Variants in UROD observed in about 807,000 individuals in gnomAD.
The protein encoded by UROD is uroporphyrinogen decarboxylase.
UROD carries 34 observed loss-of-function variants against 47.1 expected under a neutral mutation model. That is an observed-to-expected ratio of 0.72 (90% CI 0.55 to 0.96). The LOEUF is 0.96. Ranked by LOEUF, UROD falls within the 40% of genes least tolerant of loss-of-function variation. The pLI, the probability that UROD is intolerant of heterozygous loss-of-function variation, is 0.00. For missense variants in UROD, 381 were observed against 471.8 expected, an observed-to-expected ratio of 0.81 and a Z score of 1.78; for synonymous variants, 148 against 175.8, an observed-to-expected ratio of 0.84 and a Z score of 1.25.
Position 45,013,735 on chromosome 1 carries a change from C to T in UROD, c.418C>T (p.Leu140Phe). The T allele has an allele frequency of 6.2e-7, 1 of 1,614,150 alleles. No homozygotes were observed. Among genetic ancestry groups the T allele is most frequent in the Non-Finnish European group, 8.5e-7 (1 of 1,180,018 alleles). Reference protein sequence around the residue: ...ELGYVFQAITLTRQRLAGRVP... With the variant: ...ELGYVFQAITFTRQRLAGRVP... ...AGGCTATGTGTTCCAAGCCATCACC[C>T]TTACCCGACAACGACTGGCTGGACG... Residue 140 changes from leucine to phenylalanine, a missense_variant, in exon 5 of 10, where the codon CTT becomes TTT. By Grantham distance (22) the Leu-to-Phe change is conservative. Coordinates refer to ENST00000246337, the MANE Select transcript of UROD (RefSeq NM_000374.5). This position sits in a 1 kb window ranked among gnomAD's most constrained non-coding sequence, Gnocchi z 4.2.
rs1473983937 is a variant in UROD at position 45,014,924 on chromosome 1, C to T, written c.876-16C>T. On this transcript the variant is annotated splice_polypyrimidine_tract_variant and intron_variant, in intron 8 of 9. Coordinates refer to ENST00000246337, the MANE Select transcript of UROD (RefSeq NM_000374.5). ...TGTATGCAGTTACCAGAACGTGGCGCTGGCTTTGCTTCCAGGGAGTGTGTG... is the reference window on the plus strand; with the variant it reads ...TGTATGCAGTTACCAGAACGTGGCGTTGGCTTTGCTTCCAGGGAGTGTGTG... 6 of 1,614,024 alleles carry T rather than the reference C, an allele frequency of 3.7e-6. No individual in the cohort carries two copies. In the South Asian group the frequency reaches 6.6e-5, roughly 18 times the overall value.
rs1557734301 is a variant in UROD at position 45,013,434 on chromosome 1, A to G, written c.276+80A>G. ...TCTATCAGTCCAGTCAAGGTTTACA[A>G]TAAGCACTTATCCTAACTGGATCGA... On this transcript the variant is annotated intron_variant, in intron 4 of 9. Coordinates refer to ENST00000246337, the MANE Select transcript of UROD (RefSeq NM_000374.5). This position sits in a 1 kb window ranked among gnomAD's most constrained non-coding sequence, Gnocchi z 4.2. 1.2e-6 allele frequency: 2 copies of G among 1,607,858 alleles called. No individual in the cohort carries two copies. Among genetic ancestry groups the G allele is most frequent in the Non-Finnish European group, 1.7e-6 (2 of 1,174,318 alleles).
intron 1 of UROD, 119 bp downstream of exon 1, chr1:45,012,404 G>T (rs775771269): frequency 4.0e-5 from 56 of 1,389,194 alleles, no homozygotes; most frequent in Non-Finnish European, 5.1e-6. Flanking sequence ...CCTGAACTCC[G>T]TTAGCTGGGA....
At chr1:45,015,233 A>G (rs141953653) in intron 9 of UROD, 104 bp from the exon 10 acceptor site, 1 of 1,517,876 alleles carries the variant, frequency 6.6e-7, no homozygotes, top group African/African-American at 1.4e-5. Context: ...TGACTGAATA[A>G]CACTGAGTAG....
Position 45,013,633 on chromosome 1 carries a change from C to A in UROD, c.316C>A (p.Pro106Thr). 6.2e-7 allele frequency: 1 copy of A among 1,614,138 alleles called. No individual in the cohort carries two copies. Reference protein sequence around the residue: ...MEVTMVPGKGPSFPEPLREEQ... With the variant: ...MEVTMVPGKGTSFPEPLREEQ... ...GGTGACCATGGTACCTGGCAAAGGACCCAGCTTCCCAGAGCCATTAAGAGA... is the reference window on the plus strand; with the variant it reads ...GGTGACCATGGTACCTGGCAAAGGAACCAGCTTCCCAGAGCCATTAAGAGA... The change falls in exon 5 of 10, where the codon CCC becomes ACC. Residue 106 changes from proline (P) to threonine (T), a missense_variant. Pro to Thr is a conservative substitution (Grantham distance 38). Transcript: ENST00000246337. The surrounding 1 kb of genome is among the most constrained non-coding windows in gnomAD (Gnocchi z 4.2).
chr1:45,014,316 G>A, intron 6 of UROD, 123 bp from the exon 7 acceptor site: 1 of 1,502,442 alleles, frequency 6.7e-7, no homozygotes, highest in Non-Finnish European at 9.2e-7. Context: ...TTAATTACTG[G>A]GTTTTTAGGG....
rs121918062 is a variant in UROD at position 45,015,006 on chromosome 1, G to A, written c.942G>A (p.Glu314=). ...NLDPCALYAS[E]EEIGQLVKQM... is the part of the protein sequence containing the mutation. Reference sequence around the variant, plus strand: ...ACCCCTGTGCCTTGTATGCATCTGAGGTAACAGCCAGGGCCCCTCTGTGTG... The same window carrying A: ...ACCCCTGTGCCTTGTATGCATCTGAAGTAACAGCCAGGGCCCCTCTGTGTG... Residue 314 remains glutamate (E), a splice_region_variant and synonymous_variant, in exon 9 of 10, where the codon GAG becomes GAA. Transcript: ENST00000246337. 1.9e-6 allele frequency: 3 copies of A among 1,613,570 alleles called. No homozygotes were observed. The highest frequency in any genetic ancestry group is 2.7e-5 in the African/African-American group (2 of 75,012).
Position 45,013,804 on chromosome 1 carries a change from A to T in UROD, c.474+13A>T, listed in dbSNP as rs754326647. ...TGCTGGTGCCCCAGTAATGTGGGAC[A>T]GGGCAGGGACTCGGGGCGCGGGGAG... On this transcript the variant is annotated intron_variant, in intron 5 of 9. Transcript: ENST00000246337. This position sits in a 1 kb window ranked among gnomAD's most constrained non-coding sequence, Gnocchi z 4.2. 1.9e-6 allele frequency: 3 copies of T among 1,614,194 alleles called. No individual in the cohort carries two copies. Among genetic ancestry groups the T allele is most frequent in the Admixed American group, 3.3e-5 (2 of 60,032 alleles).
At chr1:45,015,124 C>T (rs1450650404) in intron 9 of UROD, 118 bp downstream of exon 9, 13 of 1,537,912 alleles carry the variant, frequency 8.5e-6, no homozygotes, top group Non-Finnish European at 1.1e-5. Flanking sequence ...CTCTGTACAA[C>T]ATAAGCCCTA....
At position 45,012,255 on chromosome 1, in the gene UROD, GA is replaced by G. The variant is rs779707283; in HGVS notation, c.-10del. 28 of 1,613,834 alleles carry G rather than the reference GA, an allele frequency of 1.7e-5. No individual in the cohort carries two copies. Among genetic ancestry groups the G allele is most frequent in the Non-Finnish European group, 2.3e-5 (27 of 1,180,040 alleles). On this transcript the variant is annotated 5_prime_UTR_variant, in exon 1 of 10. Transcript: ENST00000246337. ...ATTGTGGATTGAGCTCGCAGTTACA[GA>G]CAGCTGACCATGGAAGCGAATGGGT... is the stretch of plus-strand genomic sequence containing the variant.
intron 6 of UROD, 102 bp downstream of exon 6, chr1:45,014,172 T>G: frequency 3.2e-6 from 5 of 1,568,332 alleles, no homozygotes; most frequent in Non-Finnish European, 4.4e-6. Flanking sequence ...ATGCCAGGGA[T>G]GAAAGAACCT....
At position 45,012,924 on chromosome 1, in the gene UROD, A is replaced by G. The variant is rs1217452419; in HGVS notation, c.38A>G (p.Glu13Gly). The G allele has an allele frequency of 1.2e-6, 2 of 1,612,144 alleles. No homozygotes were observed. Among genetic ancestry groups the G allele is most frequent in the Non-Finnish European group, 1.7e-6 (2 of 1,179,718 alleles). ...ANGLGPQGFP[E>G]LKNDTFLRAA... ...ATCGCCAGACCTCAGGGTTTTCCGG[A>G]GCTGAAGAATGACACATTCCTGCGA... Residue 13 changes from glutamate (E) to glycine (G), a missense_variant, in exon 2 of 10, where the codon GAG (glutamate) becomes GGG (glycine). By Grantham distance (98) the Glu-to-Gly change is moderately conservative. Coordinates refer to ENST00000246337, the MANE Select transcript of UROD (RefSeq NM_000374.5).
In UROD at chr1:45,013,591, C is replaced by T. The variant is rs1644823485; in HGVS notation, c.277-3C>T. The T allele has an allele frequency of 6.2e-7, 1 of 1,614,128 alleles. No homozygotes were observed. ...GGAACCCAGATGTTTTCTCCCCCTCCAGGCACTGGGCATGGAGGTGACCAT... is the reference window on the plus strand; with the variant it reads ...GGAACCCAGATGTTTTCTCCCCCTCTAGGCACTGGGCATGGAGGTGACCAT... On this transcript the variant is annotated splice_region_variant and splice_polypyrimidine_tract_variant and intron_variant, in intron 4 of 9. Coordinates refer to ENST00000246337, the MANE Select transcript of UROD (RefSeq NM_000374.5). The surrounding 1 kb of genome is among the most constrained non-coding windows in gnomAD (Gnocchi z 4.2).
chr1:45,015,205 C>T (rs972443080), intron 9 of UROD, 132 bp from the exon 10 acceptor site: 1 of 1,459,546 alleles, frequency 6.9e-7, no homozygotes, highest in Admixed American at 2.0e-5. Context: ...TACTAGGGAT[C>T]TGATAAATTT....
chr1:45,014,220 C>A (rs116667952), intron 6 of UROD, 150 bp downstream of exon 6: 3 of 1,314,424 alleles, frequency 2.3e-6, no homozygotes, highest in Admixed American at 1.8e-5. Context: ...CAAGCCCATC[C>A]TGACACTGAC....
intron 6 of UROD, 34 bp from the exon 7 acceptor site, chr1:45,014,405 T>A (rs1390989707): frequency 1.2e-6 from 2 of 1,613,688 alleles, no homozygotes; most frequent in Non-Finnish European, 1.7e-6. Context: ...CCTCTTTGTG[T>A]GTTACATATT....
intron 1 of UROD, 62 bp downstream of exon 1, chr1:45,012,347 G>C (rs2148981576): frequency 6.2e-7 from 1 of 1,612,252 alleles, no homozygotes; most frequent in Non-Finnish European, 8.5e-7. Context: ...TTCCAACTCA[G>C]GACTCTATCC....
chr1:45,013,641 C>T lies in UROD; in HGVS notation c.324C>T (p.Phe108=). 6.2e-7 allele frequency: 1 copy of T among 1,614,146 alleles called. No homozygotes were observed. Among genetic ancestry groups the T allele is most frequent in the Non-Finnish European group, 8.5e-7 (1 of 1,180,022 alleles). ...TGGTACCTGGCAAAGGACCCAGCTT[C>T]CCAGAGCCATTAAGAGAAGAGCAGG... ...VTMVPGKGPS[F]PEPLREEQDL... The change falls in exon 5 of 10, where the codon TTC becomes TTT. Residue 108 remains phenylalanine, a synonymous_variant. Coordinates refer to ENST00000246337, the MANE Select transcript of UROD (RefSeq NM_000374.5). This position sits in a 1 kb window ranked among gnomAD's most constrained non-coding sequence, Gnocchi z 4.2.
chr1:45,012,584 C>A, intron 1 of UROD: 1 of 616,440 alleles, frequency 1.6e-6, no homozygotes. Flanking sequence ...AGTGACATTC[C>A]CGTTTCTGAG....
Sources: gnomAD v4.1 joint callset for allele counts on GRCh38, gnomAD v4.1.1 for gene constraint, Gnocchi (gnomAD v3.1) non-coding constraint, MANE v1.5 for transcripts, NCBI Gene and HGNC (gene_info 2026-07-23, HGNC 2026-07-21) for gene names.